Variants in THRAP3 observed in about 807,000 individuals in gnomAD.
THRAP3 encodes the protein thyroid hormone receptor-associated protein 3.
A neutral mutation model predicts 101.0 loss-of-function variants in THRAP3; 16 were observed. The observed-to-expected ratio is 0.16, with a 90% CI of 0.11 to 0.24. The LOEUF is 0.24. THRAP3 is among the 10% of genes least tolerant of loss of function. The pLI is 1.00. For missense variants in THRAP3, 989 were observed against 1,202.7 expected (o/e 0.82, Z 2.63); for synonymous variants, 407 against 422.6 (o/e 0.96, Z 0.45).
intron 1 of THRAP3, among the ~76,000 whole-genome samples, chr1:36,253,364 AT>A (rs1225830147): frequency 6.6e-6 from 1 of 152,090 alleles, no homozygotes; most frequent in African/African-American, 2.4e-5. Flanking sequence ...AAATATGGAG[AT>A]TTAGTTTACA....
At chr1:36,248,353 C>T (rs1570260218) in intron 1 of THRAP3, among the ~76,000 whole-genome samples, 1 of 151,614 alleles carries the variant, frequency 6.6e-6, no homozygotes, top group African/African-American at 2.4e-5. Context: ...GTTGTCCAGG[C>T]TAGTCTCGAA....
chr1:36,305,138 A>C lies in THRAP3; in HGVS notation c.*1121A>C, dbSNP rs1284798725. 4.6e-6 allele frequency: 1 copy of C among 218,696 alleles called. No homozygotes were observed. Among genetic ancestry groups the C allele is most frequent in the African/African-American group, 2.3e-5 (1 of 44,416 alleles). 13.5% of individuals were successfully genotyped at this position (218,696 alleles called of 1,614,324 possible). On this transcript the variant is annotated 3_prime_UTR_variant, in exon 12 of 12. Transcript: ENST00000354618. The stretch of plus-strand genomic sequence containing the variant: ...GGAGGCGGTCCTGAGCAGGTGAATC[A>C]TAAGGCATTTATGCATATGTTATAT...
At position 36,304,273 on chromosome 1, in the gene THRAP3, A is replaced by T; in HGVS notation, c.*256A>T. ...GCATTGGGCTTTAGCTGTTTTTCTCATTTGTTGGTGTGTGGGGTGGGGGCA... is the reference window on the plus strand; with the variant it reads ...GCATTGGGCTTTAGCTGTTTTTCTCTTTTGTTGGTGTGTGGGGTGGGGGCA... On this transcript the variant is annotated 3_prime_UTR_variant, in exon 12 of 12. Coordinates refer to ENST00000354618, the MANE Select transcript of THRAP3 (RefSeq NM_005119.4). 6 of 335,356 alleles carry T rather than the reference A, an allele frequency of 1.8e-5. No individual in the cohort carries two copies. The highest frequency in any genetic ancestry group is 2.7e-5 in the Non-Finnish European group (5 of 187,762). 20.8% of individuals were successfully genotyped at this position (335,356 alleles called of 1,614,324 possible). A position where few individuals can be genotyped will look rare whatever the true frequency, so the allele number is the denominator to read the frequency against.
chr1:36,257,867 G>A (rs377305722), intron 1 of THRAP3, among the ~76,000 whole-genome samples: 1 of 152,332 alleles, frequency 6.6e-6, no homozygotes, highest in African/African-American at 2.4e-5. Flanking sequence ...TTGAGACAGA[G>A]TCTCGCTCTG....
chr1:36,280,584 G>A (rs1467828718), intron 2 of THRAP3, among the ~76,000 whole-genome samples: 1 of 152,174 alleles, frequency 6.6e-6, no homozygotes, highest in Non-Finnish European at 1.5e-5. Flanking sequence ...CAGACAAGAG[G>A]CAGCATTACT....
intron 1 of THRAP3, among the ~76,000 whole-genome samples, chr1:36,235,161 G>C (rs1456061208): frequency 6.9e-6 from 1 of 145,312 alleles, no homozygotes; most frequent in African/African-American, 2.8e-5. Context: ...CTGCAGGGGG[G>C]GTTATTGTGA....
chr1:36,252,925 G>GGCAT (rs1553194030), intron 1 of THRAP3, among the ~76,000 whole-genome samples: 2 of 50,608 alleles, frequency 4.0e-5, no homozygotes, highest in African/African-American at 7.6e-5. Context: ...TATATAGATA[G>GGCAT]GCATATATAT....
At chr1:36,276,721 G>A (rs899778822) in intron 2 of THRAP3, among the ~76,000 whole-genome samples, 9 of 151,470 alleles carry the variant, frequency 5.9e-5, no homozygotes, top group Non-Finnish European at 1.0e-4. Context: ...GCTGGGTGTG[G>A]TGTTGCACCA....
At chr1:36,224,911 C>T (rs534137102) in intron 1 of THRAP3, 1 of 152,456 alleles carries the variant, frequency 6.6e-6, no homozygotes, top group East Asian at 1.9e-4. Flanking sequence ...GTTCGGTCTT[C>T]TCCTAGGGCG....
chr1:36,266,892 A>G (rs1184076708), intron 2 of THRAP3, among the ~76,000 whole-genome samples: 1 of 147,936 alleles, frequency 6.8e-6, no homozygotes, highest in Non-Finnish European at 1.5e-5. Flanking sequence ...TTATTTATTT[A>G]TTTTTGAGAT....
intron 1 of THRAP3, among the ~76,000 whole-genome samples, chr1:36,252,948 A>ATG (rs1227453823): frequency 2.6e-5 from 3 of 116,444 alleles, no homozygotes; most frequent in African/African-American, 9.6e-5. Flanking sequence ...ATATATATAT[A>ATG]TATATATATA....
chr1:36,286,346 G>A lies in THRAP3; in HGVS notation c.138-22G>A. 6.5e-7 allele frequency: 1 copy of A among 1,543,734 alleles called. No individual in the cohort carries two copies. Among genetic ancestry groups the A allele is most frequent in the Non-Finnish European group, 8.7e-7 (1 of 1,147,856 alleles). The stretch of plus-strand genomic sequence containing the variant: ...GCTTGTGTCAAAAATTCAAACATTT[G>A]TCTCTTTCCTTTCCATTCCAGTTCT... On this transcript the variant is annotated intron_variant, in intron 3 of 11. Transcript: ENST00000354618. The surrounding 1 kb of genome is among the most constrained non-coding windows in gnomAD (Gnocchi z 5.5).
intron 2 of THRAP3, among the ~76,000 whole-genome samples, chr1:36,281,998 G>A (rs1645737446): frequency 6.6e-6 from 1 of 152,060 alleles, no homozygotes; most frequent in South Asian, 2.1e-4. Context: ...GCTTGAACCC[G>A]GGAGGCGGAG....
At chr1:36,287,812 A>G in intron 4 of THRAP3, 1 of 985,428 alleles carries the variant, frequency 1.0e-6, no homozygotes, top group Non-Finnish European at 1.2e-6. Context: ...AGAAGCCAAC[A>G]CGGCTGCGTG....
At chr1:36,232,759 A>G (rs1454421777) in intron 1 of THRAP3, among the ~76,000 whole-genome samples, 1 of 152,170 alleles carries the variant, frequency 6.6e-6, no homozygotes, top group Non-Finnish European at 1.5e-5. Flanking sequence ...TAATTTGTAC[A>G]GTGGTAGGTG....
intron 8 of THRAP3, among the ~76,000 whole-genome samples, chr1:36,296,171 T>C (rs1645948827): frequency 6.6e-6 from 1 of 151,820 alleles, no homozygotes; most frequent in African/African-American, 2.4e-5. Context: ...AACAGGGTTT[T>C]GGTTGTTGCC....
intron 7 of THRAP3, 85 bp from the exon 8 acceptor site, chr1:36,293,766 C>G: frequency 1.7e-6 from 2 of 1,164,248 alleles, no homozygotes; most frequent in East Asian, 4.8e-5. Flanking sequence ...GCCTGTGAAT[C>G]TATTAGCCAA....
intron 9 of THRAP3, among the ~76,000 whole-genome samples, chr1:36,298,614 C>G (rs878892175): frequency 1.3e-5 from 2 of 152,134 alleles, no homozygotes; most frequent in African/African-American, 2.4e-5. Flanking sequence ...CTGCTTCAGC[C>G]TTCCAACTAG....
At chr1:36,228,295 G>A (rs752726388) in intron 1 of THRAP3, among the ~76,000 whole-genome samples, 3 of 151,790 alleles carry the variant, frequency 2.0e-5, no homozygotes, top group Non-Finnish European at 4.4e-5. Flanking sequence ...TCGGCTCACT[G>A]CTACCTCTGC....
Sources: gnomAD v4.1 joint callset for allele counts (sites outside exome capture counted in the v4.1 genomes callset) on GRCh38, gnomAD v4.1.1 for gene constraint, Gnocchi (gnomAD v3.1) non-coding constraint, MANE v1.5 for transcripts, NCBI Gene and HGNC (gene_info 2026-07-23, HGNC 2026-07-21) for gene names.